Variants in CAPN13 observed in about 807,000 individuals in gnomAD.
The protein encoded by CAPN13 is calpain 13, also known as calpain-13.
Under a neutral mutation model 98.4 loss-of-function variants are expected in CAPN13, and 90 were observed. That is an observed-to-expected ratio of 0.92 (90% confidence interval 0.77 to 1.09). CAPN13 has a LOEUF of 1.09. CAPN13 is among the 50% of genes least tolerant of loss of function. The probability of loss-of-function intolerance (pLI) is 0.00; values close to 1 mark genes in which losing one functional copy is unlikely to be tolerated. For missense variants in CAPN13, 887 were observed against 841.3 expected, an observed-to-expected ratio of 1.05 and a Z score of -0.67; for synonymous variants, 330 against 305.5, an observed-to-expected ratio of 1.08 and a Z score of -0.84.
At chr2:30,740,335 C>T (rs471381) in intron 15 of CAPN13, among the ~76,000 whole-genome samples, 47,488 of 152,002 alleles carry the variant, frequency 0.31, 7,957 homozygotes, top group Admixed American at 0.4. Context: ...CCTCCCGATC[C>T]ACCTGCCTTG....
intron 1 of CAPN13, among the ~76,000 whole-genome samples, chr2:30,796,584 G>A (rs939400968): frequency 6.6e-6 from 1 of 151,994 alleles, no homozygotes; most frequent in African/African-American, 2.4e-5. Flanking sequence ...TTTAATAGTG[G>A]AAATCAAGAG....
intron 4 of CAPN13, 30 bp from the exon 5 acceptor site, chr2:30,770,479 A>C (rs148777030): frequency 6.0e-5 from 97 of 1,609,934 alleles, no homozygotes; most frequent in Non-Finnish European, 8.1e-5. Context: ...ATGCTTTGAC[A>C]GAGTTGAGGC....
At position 30,738,320 on chromosome 2, in the gene CAPN13, G is replaced by T. The variant is rs370067832; in HGVS notation, c.1595-27C>A. On this transcript the variant is annotated intron_variant, in intron 16 of 22. Coordinates refer to ENST00000295055, the MANE Select transcript of CAPN13 (RefSeq NM_144575.3). Reference sequence around the variant, plus strand: ...TGAGGAGAGAAGGACAGGAAGGACTGAAGTGTTGACAGTGGGGTGTGGGGT... The same window carrying T: ...TGAGGAGAGAAGGACAGGAAGGACTTAAGTGTTGACAGTGGGGTGTGGGGT... The T allele has an allele frequency of 2.5e-6, 4 of 1,613,700 alleles. No individual in the cohort carries two copies. In the African/African-American group the frequency reaches 5.3e-5, roughly 22 times the overall value.
intron 8 of CAPN13, among the ~76,000 whole-genome samples, chr2:30,755,819 C>T (rs377703045): frequency 1.1e-4 from 17 of 152,092 alleles, no homozygotes; most frequent in African/African-American, 4.1e-4. Context: ...ACATTTTCTG[C>T]AATGTGTGAG....
chr2:30,771,430 G>T (rs540090733), intron 4 of CAPN13, among the ~76,000 whole-genome samples: 16 of 152,348 alleles, frequency 1.1e-4, no homozygotes, highest in Admixed American at 5.9e-4. Context: ...TCAGAGCAGA[G>T]ATGGAGATTG....
chr2:30,746,275 G>T (rs747013828), intron 11 of CAPN13, among the ~76,000 whole-genome samples: 5 of 152,104 alleles, frequency 3.3e-5, no homozygotes, highest in Non-Finnish European at 7.4e-5. Context: ...TTTCTTATTA[G>T]AAACAAGATA....
intron 8 of CAPN13, among the ~76,000 whole-genome samples, chr2:30,757,651 A>T (rs1050813761): frequency 1.3e-5 from 2 of 152,168 alleles, no homozygotes; most frequent in African/African-American, 4.8e-5. Context: ...CAAGGGATGC[A>T]GTTCCTTCTC....
intron 12 of CAPN13, among the ~76,000 whole-genome samples, chr2:30,743,992 T>G (rs2147973420): frequency 6.6e-6 from 1 of 152,356 alleles, no homozygotes; most frequent in South Asian, 2.1e-4. Flanking sequence ...CATTACAGAA[T>G]TGAATTCTTT....
At chr2:30,724,567 G>A (rs1039122134) in intron 22 of CAPN13, among the ~76,000 whole-genome samples, 2 of 152,108 alleles carry the variant, frequency 1.3e-5, no homozygotes, top group African/African-American at 4.8e-5. Flanking sequence ...TATGCCCTTG[G>A]AGTGTACATG....
chr2:30,756,814 G>T (rs761150425), intron 8 of CAPN13, among the ~76,000 whole-genome samples: 11 of 152,184 alleles, frequency 7.2e-5, no homozygotes, highest in African/African-American at 1.2e-4. Context: ...CCCGATTCTC[G>T]CAGGGGCATC....
chr2:30,761,670 A>G (rs1257366121), intron 7 of CAPN13, among the ~76,000 whole-genome samples: 1 of 152,254 alleles, frequency 6.6e-6, no homozygotes, highest in Non-Finnish European at 1.5e-5. Flanking sequence ...AACAGGTATT[A>G]CTAATTGATA....
rs1226322828 is a variant in CAPN13, at chr2:30,732,421, C to A, written c.1927+17G>T. 2 of 1,612,774 alleles carry A rather than the reference C, an allele frequency of 1.2e-6. No homozygotes were observed. The highest frequency in any genetic ancestry group is 2.2e-5 in the South Asian group (2 of 91,026). On this transcript the variant is annotated intron_variant, in intron 20 of 22. Coordinates refer to ENST00000295055, the MANE Select transcript of CAPN13 (RefSeq NM_144575.3). ...GTCACTGCCAAGGTCTCTGGGATGC[C>A]CCTTGGGGACACTTACTTGCCATGG...
intron 7 of CAPN13, among the ~76,000 whole-genome samples, chr2:30,762,812 CTAGA>C (rs1365582405): frequency 2.0e-5 from 3 of 152,248 alleles, no homozygotes; most frequent in Non-Finnish European, 4.4e-5. Context: ...ATCTCCCAGT[CTAGA>C]TAGACAGTCA....
chr2:30,761,143 T>C (rs1011156324), intron 7 of CAPN13, among the ~76,000 whole-genome samples: 2 of 152,206 alleles, frequency 1.3e-5, no homozygotes, highest in African/African-American at 2.4e-5. Flanking sequence ...GTGAGTTGCT[T>C]TTCCAAATGT....
chr2:30,752,674 T>C (rs910957502), intron 10 of CAPN13, among the ~76,000 whole-genome samples: 2 of 152,198 alleles, frequency 1.3e-5, no homozygotes, highest in African/African-American at 4.8e-5. Context: ...GGCCAGTATG[T>C]GGCAAAGACA....
chr2:30,725,121 G>C (rs200244394), intron 22 of CAPN13, among the ~76,000 whole-genome samples: 2 of 152,060 alleles, frequency 1.3e-5, no homozygotes, highest in African/African-American at 4.8e-5. Context: ...CTCTCAGCAG[G>C]GTGTGATTTG....
At chr2:30,735,778 A>T (rs1383680740) in intron 18 of CAPN13, among the ~76,000 whole-genome samples, 2 of 152,202 alleles carry the variant, frequency 1.3e-5, no homozygotes, top group African/African-American at 4.8e-5. Flanking sequence ...TAGACATTTG[A>T]TGTATTTATT....
intron 7 of CAPN13, among the ~76,000 whole-genome samples, chr2:30,762,629 T>C (rs774761698): frequency 6.6e-6 from 1 of 152,200 alleles, no homozygotes; most frequent in Admixed American, 6.5e-5. Flanking sequence ...CACCTACTAG[T>C]CCTGGCATCA....
Position 30,758,949 on chromosome 2 carries a change from T to C in CAPN13, c.775-812A>G, listed in dbSNP as rs543127629. On this transcript the variant is annotated intron_variant, in intron 7 of 22. Coordinates refer to ENST00000295055, the MANE Select transcript of CAPN13 (RefSeq NM_144575.3). ...CTTCCTTTTCCTCCCTCCCTCCCTT[T>C]CTTCCCTCCTTCCTTCTGTTTCTTT... 9.9e-3 allele frequency among the ~76,000 whole-genome samples: 1,256 copies of C among 126,960 alleles called. 3 individuals carry two copies. Among genetic ancestry groups the C allele is most frequent in the Non-Finnish European group, 0.015 (926 of 60,520 alleles). 83.3% of individuals were successfully genotyped at this position (126,960 alleles called of 152,430 possible).
Sources: gnomAD v4.1 joint callset for allele counts (sites outside exome capture counted in the v4.1 genomes callset) on GRCh38, gnomAD v4.1.1 for gene constraint, MANE v1.5 for transcripts, NCBI Gene and HGNC (gene_info 2026-07-23, HGNC 2026-07-21) for gene names.